The following LYRM4 variants were observed in gnomAD, a reference collection of about 807,000 sequenced individuals.
LYRM4 encodes the protein LYR motif containing 4, also known as LYR motif-containing protein 4.
In LYRM4, 9 loss-of-function variants were observed where a neutral mutation model predicts 11.7. The ratio of observed to expected loss-of-function variants is 0.77; its 90% CI spans 0.46 to 1.34. The LOEUF (loss-of-function observed/expected upper bound fraction) is 1.34. LYRM4 is among the 40% of genes most tolerant of loss of function. The pLI, the probability that LYRM4 is intolerant of heterozygous loss-of-function variation, is 0.00. For missense variants in LYRM4, 133 were observed against 112.5 expected (o/e 1.18, Z -0.82); for synonymous variants, 42 against 40.4 (o/e 1.04, Z -0.15).
At chr6:5,199,453 G>A (rs1486137294) in intron 2 of LYRM4, among the ~76,000 whole-genome samples, 1 of 152,112 alleles carries the variant, frequency 6.6e-6, no homozygotes, top group African/African-American at 2.4e-5. Context: ...TCATGGTGAT[G>A]GTTGTGCAAC....
downstream of LYRM4, chr6:5,105,242 G>A (rs1408339427): frequency 6.6e-6 from 1 of 152,316 alleles, no homozygotes; most frequent in African/African-American, 2.4e-5. Flanking sequence ...GGGACTCTGT[G>A]GACTTTCTCG....
intron 2 of LYRM4, among the ~76,000 whole-genome samples, chr6:5,173,950 T>C (rs1039372795): frequency 1.3e-5 from 2 of 152,124 alleles, no homozygotes; most frequent in Non-Finnish European, 2.9e-5. Context: ...GAAGTGACAC[T>C]GGAAACTATA....
chr6:5,118,600 T>C (rs1400505334), intron 2 of LYRM4, among the ~76,000 whole-genome samples: 1 of 152,116 alleles, frequency 6.6e-6, no homozygotes, highest in African/African-American at 2.4e-5. Context: ...CCTGGTGAGA[T>C]CCCAGCATGG....
chr6:5,199,941 T>C (rs1445228822), intron 2 of LYRM4, among the ~76,000 whole-genome samples: 2 of 152,202 alleles, frequency 1.3e-5, no homozygotes, highest in Admixed American at 6.5e-5. Flanking sequence ...CAACACAGTT[T>C]CAAAACAGAC....
chr6:5,218,361 C>A, intron 1 of LYRM4: 1 of 985,072 alleles, frequency 1.0e-6, no homozygotes, highest in South Asian at 4.7e-5. Flanking sequence ...TTGGGAGCAG[C>A]GCGGAGGGGG....
chr6:5,123,032 G>A (rs1006219659), intron 2 of LYRM4, among the ~76,000 whole-genome samples: 2 of 152,192 alleles, frequency 1.3e-5, no homozygotes, highest in African/African-American at 4.8e-5. Context: ...ACAGGCTAAC[G>A]ATATTGGGGT....
chr6:5,237,646 G>A (rs1442677400), intron 1 of LYRM4, among the ~76,000 whole-genome samples: 1 of 152,084 alleles, frequency 6.6e-6, no homozygotes, highest in Non-Finnish European at 1.5e-5. Context: ...AAAAGTTGGG[G>A]TGAACTGAGC....
intron 1 of LYRM4, among the ~76,000 whole-genome samples, chr6:5,223,144 G>T (rs907395133): frequency 6.6e-6 from 1 of 152,152 alleles, no homozygotes; most frequent in African/African-American, 2.4e-5. Flanking sequence ...GACAAAGAAA[G>T]AATTTTAAGC....
Position 5,109,379 on chromosome 6 carries a change from T to C in LYRM4, c.*44A>G. ...CCCATCTCAAACAGAGAGTGGATGCTGAAGGTGGTCCCTGGCCGCCACTGG... is the reference window on the plus strand; with the variant it reads ...CCCATCTCAAACAGAGAGTGGATGCCGAAGGTGGTCCCTGGCCGCCACTGG... On this transcript the variant is annotated 3_prime_UTR_variant, in exon 3 of 3. Coordinates refer to ENST00000330636, the MANE Select transcript of LYRM4 (RefSeq NM_020408.6). 3.7e-6 allele frequency: 6 copies of C among 1,612,962 alleles called. No individual in the cohort carries two copies. The highest frequency in any genetic ancestry group is 5.1e-6 in the Non-Finnish European group (6 of 1,179,242).
intron 2 of LYRM4, among the ~76,000 whole-genome samples, chr6:5,119,787 T>A (rs1344698154): frequency 6.7e-5 from 5 of 74,950 alleles, no homozygotes; most frequent in Admixed American, 2.2e-4. Flanking sequence ...AGACTCTGTC[T>A]CCATAACAAA....
chr6:5,107,679 T>C (rs1054290413), downstream of LYRM4: 2 of 152,180 alleles, frequency 1.3e-5, no homozygotes, highest in Admixed American at 1.3e-4. Context: ...GGTTAGAGGG[T>C]AAGAGATCTG....
the LYRM4 span, chr6:5,086,781 C>CTGA: frequency 5.2e-6 from 3 of 573,530 alleles, no homozygotes; most frequent in Non-Finnish European, 9.2e-6. Flanking sequence ...AAGCCTCTGA[C>CTGA]CTCAGTCTTC....
At chr6:5,242,486 G>A (rs1041333376) in intron 1 of LYRM4, among the ~76,000 whole-genome samples, 2 of 151,504 alleles carry the variant, frequency 1.3e-5, no homozygotes, top group Non-Finnish European at 2.9e-5. Context: ...TTGGGGGGCC[G>A]AGGCAGGTGA....
At chr6:5,064,836 G>A in the LYRM4 span, among the ~76,000 whole-genome samples, 6 of 152,130 alleles carry the variant, frequency 3.9e-5, no homozygotes, top group East Asian at 1.9e-4. Context: ...AACATTCATC[G>A]TTTCTTTGTG....
intron 2 of LYRM4, chr6:5,144,099 C>T (rs938178133): frequency 5.9e-5 from 89 of 1,517,602 alleles, no homozygotes; most frequent in East Asian, 7.4e-5. Flanking sequence ...GAGGTGAGAG[C>T]GATCTGATCT....
At chr6:5,259,951 T>C (rs977013358) in intron 1 of LYRM4, among the ~76,000 whole-genome samples, 1 of 151,874 alleles carries the variant, frequency 6.6e-6, no homozygotes, top group Non-Finnish European at 1.5e-5. Context: ...CATAGGCAAA[T>C]AGGGGAGTGG....
At chr6:5,166,594 C>T (rs1332437449) in intron 2 of LYRM4, among the ~76,000 whole-genome samples, 1 of 152,170 alleles carries the variant, frequency 6.6e-6, no homozygotes, top group Non-Finnish European at 1.5e-5. Context: ...GTCATTTTAT[C>T]CCCAAAATAA....
At chr6:5,068,508 T>C in the LYRM4 span, among the ~76,000 whole-genome samples, 34 of 152,296 alleles carry the variant, frequency 2.2e-4, no homozygotes, top group African/African-American at 7.9e-4. This position sits in a 1 kb window ranked among gnomAD's most constrained non-coding sequence, Gnocchi z 4.0. Flanking sequence ...TCAAAACACC[T>C]GTTGATGTAT....
the LYRM4 span, among the ~76,000 whole-genome samples, chr6:5,056,894 A>G: frequency 1.3e-5 from 2 of 152,170 alleles, no homozygotes; most frequent in East Asian, 3.9e-4. Context: ...AGCCAGTTCA[A>G]CTCAAAACTC....
Sources: allele counts gnomAD v4.1 joint callset (sites outside exome capture counted in the v4.1 genomes callset), GRCh38; gene constraint gnomAD v4.1.1; non-coding constraint Gnocchi (gnomAD v3.1); transcripts MANE v1.5; gene names NCBI Gene and HGNC (gene_info 2026-07-23, HGNC 2026-07-21).